SMG5: variants seen among roughly 807,000 people sequenced by gnomAD.
SMG5 encodes SMG5 nonsense mediated mRNA decay factor.
Under a neutral mutation model 122.9 loss-of-function variants are expected in SMG5, and 53 were observed. That is an observed-to-expected ratio of 0.43 (90% CI 0.35 to 0.54). SMG5 has a LOEUF of 0.54. Ranked by LOEUF, SMG5 falls within the 20% of genes least tolerant of loss-of-function variation. SMG5 has a pLI of 0.01. For missense variants in SMG5, 1,153 were observed against 1,285.6 expected (o/e 0.90, Z 1.58); for synonymous variants, 477 against 490.2 (o/e 0.97, Z 0.35).
chr1:156,260,899 G>A (rs1661794924), intron 14 of SMG5, among the ~76,000 whole-genome samples: 1 of 152,220 alleles, frequency 6.6e-6, no homozygotes, highest in Non-Finnish European at 1.5e-5. Context: ...GGAAATGAGA[G>A]GAGGCGCTCA....
chr1:156,266,181 G>A lies in SMG5; in HGVS notation c.1455C>T (p.Asp485=). 1 of 1,614,264 alleles carries A rather than the reference G, an allele frequency of 6.2e-7. No homozygotes were observed. Among genetic ancestry groups the A allele is most frequent in the Non-Finnish European group, 8.5e-7 (1 of 1,180,054 alleles). The change falls in exon 12 of 22, where the codon GAC becomes GAT. Residue 485 remains aspartate, a synonymous_variant. Coordinates refer to ENST00000361813, the MANE Select transcript of SMG5 (RefSeq NM_015327.3). ...CTGAGCCCTCACTGGCCCGGGCTGAGTCATGGCTTGAGTCCGATTCAAAGC... is the reference window on the plus strand; with the variant it reads ...CTGAGCCCTCACTGGCCCGGGCTGAATCATGGCTTGAGTCCGATTCAAAGC... ...SEGFESDSSH[D]SARASEGSDS... is the part of the protein sequence containing the mutation.
In SMG5 at chr1:156,282,732, C is replaced by T; in HGVS notation, c.-52G>A. The T allele has an allele frequency of 1.3e-6, 2 of 1,537,976 alleles. No homozygotes were observed. Among genetic ancestry groups the T allele is most frequent in the Non-Finnish European group, 1.7e-6 (2 of 1,143,070 alleles). On this transcript the variant is annotated 5_prime_UTR_variant, in exon 1 of 22. In the 5' UTR this introduces an upstream ATG that the reference lacks. Coordinates refer to ENST00000361813, the MANE Select transcript of SMG5 (RefSeq NM_015327.3). The stretch of plus-strand genomic sequence containing the variant: ...GGTCACAGGCCCCTGCCACCCACCA[C>T]TACCGCCAACACTGCCGTCTCCGGC...
chr1:156,272,359 T>C lies in SMG5; in HGVS notation c.674A>G (p.Lys225Arg), dbSNP rs1180130250. The C allele has an allele frequency of 3.1e-6, 5 of 1,602,444 alleles. No individual in the cohort carries two copies. The African/African-American group carries it at 5.4e-5, about 17-fold the overall frequency. The change falls in exon 7 of 22, where the codon AAG becomes AGG. Residue 225 changes from lysine to arginine, a missense_variant. Physicochemically the swap from Lys to Arg is conservative, Grantham distance 26. Transcript: ENST00000361813. ...ATACATGGCTTCCACATTATAGTAC[T>C]TGCTGCCTGCCAGGGTGCCCAGCTG... ...FNQLGTLAGS[K>R]YYNVEAMYCY... is the part of the protein sequence containing the mutation.
Position 156,274,591 on chromosome 1 carries a change from T to A in SMG5, c.544+6A>T. On this transcript the variant is annotated splice_donor_region_variant and intron_variant, in intron 5 of 21. Transcript: ENST00000361813. ...AACAGAGAAAATGAAAGGTGCAAAT[T>A]CTTACACAAATCCCCCAGATACACC... 2.5e-6 allele frequency: 4 copies of A among 1,613,166 alleles called. No homozygotes were observed. Among genetic ancestry groups the A allele is most frequent in the Non-Finnish European group, 3.4e-6 (4 of 1,179,350 alleles).
intron 16 of SMG5, among the ~76,000 whole-genome samples, chr1:156,255,716 T>C (rs1008523983): frequency 1.3e-5 from 2 of 151,878 alleles, no homozygotes; most frequent in Admixed American, 1.3e-4. Flanking sequence ...CAAGATCACA[T>C]TTCTACAAAA....
At chr1:156,285,612 T>G, upstream of SMG5, 1 of 1,614,222 alleles carries the variant, frequency 6.2e-7, no homozygotes. Context: ...GCCCGTGCCT[T>G]CGTGCCTATT....
At chr1:156,263,710 A>T in intron 12 of SMG5, 140 bp from the exon 13 acceptor site, 1 of 845,944 alleles carries the variant, frequency 1.2e-6, no homozygotes, top group Non-Finnish European at 1.7e-6. Flanking sequence ...AATCTGGGGA[A>T]CCACTTACAG....
At chr1:156,253,924 G>A (rs1463900261) in intron 16 of SMG5, among the ~76,000 whole-genome samples, 1 of 151,932 alleles carries the variant, frequency 6.6e-6, no homozygotes, top group African/African-American at 2.4e-5. Context: ...TTCAGCCCAG[G>A]CCTGACCATC....
intron 16 of SMG5, 26 bp from the exon 17 acceptor site, chr1:156,253,534 G>A (rs757692066): frequency 6.2e-7 from 1 of 1,612,254 alleles, no homozygotes; most frequent in Non-Finnish European, 8.5e-7. Context: ...TGAGCTGTAA[G>A]GAGTTGGGGT....
chr1:156,278,907 GGATCTGTGGTT>G lies in SMG5; in HGVS notation c.173+18_173+28del, dbSNP rs774366235. 6.4e-7 allele frequency: 1 copy of G among 1,570,080 alleles called. No homozygotes were observed. The highest frequency in any genetic ancestry group is 8.8e-7 in the Non-Finnish European group (1 of 1,139,938). On this transcript the variant is annotated intron_variant, in intron 2 of 21. Coordinates refer to ENST00000361813, the MANE Select transcript of SMG5 (RefSeq NM_015327.3). ...GTAGAGATAGGCAGGGAAACAGTAA[GGATCTGTGGTT>G]TAGAGTCTCTAGCTTACTTGTTCCT...
rs148748557 is a variant in SMG5 at position 156,280,457 on chromosome 1, G to A, written c.75-1423C>T. 1.2e-3 allele frequency among the ~76,000 whole-genome samples: 185 copies of A among 152,324 alleles called. 1 individual carries two copies. Among genetic ancestry groups the A allele is most frequent in the African/African-American group, 4.2e-3 (176 of 41,562 alleles). ...CAGCAGAGTAGGTGGGATGGTAATC[G>A]ATACCTTCTCACAAGCAATCATGTT... On this transcript the variant is annotated intron_variant, in intron 1 of 21. Coordinates refer to ENST00000361813, the MANE Select transcript of SMG5 (RefSeq NM_015327.3).
intron 20 of SMG5, 192 bp downstream of exon 20, chr1:156,251,211 C>T (rs1011303419): frequency 2.2e-6 from 2 of 897,048 alleles, no homozygotes; most frequent in African/African-American, 3.3e-5. Context: ...AAGAGGCTGA[C>T]CCATCTGCAG....
chr1:156,259,087 TTGA>T lies in SMG5; in HGVS notation c.2357_2359del (p.Phe786_Asn787delinsTyr). 6.2e-7 allele frequency: 1 copy of T among 1,612,416 alleles called. No homozygotes were observed. The highest frequency in any genetic ancestry group is 8.5e-7 in the Non-Finnish European group (1 of 1,179,364). ...GCTGACGAAGATGCCAACCTCTGGG[TTGA>T]ACTGCAGGATGCTGCCTTGCAGGCG... On this transcript the variant is annotated inframe_deletion, in exon 16 of 22. Coordinates refer to ENST00000361813, the MANE Select transcript of SMG5 (RefSeq NM_015327.3).
At position 156,267,537 on chromosome 1, in the gene SMG5, G is replaced by T; in HGVS notation, c.1050C>A (p.Leu350=). The change falls in exon 10 of 22, where the codon CTC becomes CTA. Residue 350 remains leucine (L), a synonymous_variant. Coordinates refer to ENST00000361813, the MANE Select transcript of SMG5 (RefSeq NM_015327.3). ...EEEYESGYAF[L]PDLLIFQMVI... ...CCATTTGAAAGATGAGAAGGTCCGG[G>T]AGGAAAGCATATCCACTCTCATACT... The T allele has an allele frequency of 1.2e-6, 2 of 1,614,144 alleles. No individual in the cohort carries two copies. Among genetic ancestry groups the T allele is most frequent in the Non-Finnish European group, 1.7e-6 (2 of 1,180,022 alleles).
intron 13 of SMG5, among the ~76,000 whole-genome samples, chr1:156,262,236 C>T (rs1661878981): frequency 6.6e-6 from 1 of 152,116 alleles, no homozygotes; most frequent in African/African-American, 2.4e-5. Context: ...GTGGCTCACG[C>T]CTGTAATCCC....
At chr1:156,289,775 G>A in the SMG5 span, among the ~76,000 whole-genome samples, 1 of 152,204 alleles carries the variant, frequency 6.6e-6, no homozygotes, top group Non-Finnish European at 1.5e-5. Context: ...CATATATTAA[G>A]AAGTGATCCT....
intron 16 of SMG5, among the ~76,000 whole-genome samples, chr1:156,254,191 A>G (rs967861060): frequency 1.3e-5 from 2 of 152,064 alleles, no homozygotes; most frequent in African/African-American, 4.8e-5. Flanking sequence ...CTAAGCCAAC[A>G]CCTCTCCTTG....
At chr1:156,272,242 G>C in intron 7 of SMG5, 78 bp downstream of exon 7, 1 of 1,295,256 alleles carries the variant, frequency 7.7e-7, no homozygotes, top group Non-Finnish European at 1.1e-6. Context: ...AGAGGAAGGA[G>C]GAAGGGAAGA....
At chr1:156,287,398 AGAGT>A (rs1663197911), upstream of SMG5, among the ~76,000 whole-genome samples, 2 of 152,150 alleles carry the variant, frequency 1.3e-5, no homozygotes, top group South Asian at 4.1e-4. Flanking sequence ...CCTGGGTGAC[AGAGT>A]GAGACTCCGT....
Sources: gnomAD v4.1 joint callset for allele counts (sites outside exome capture counted in the v4.1 genomes callset) on GRCh38, gnomAD v4.1.1 for gene constraint, MANE v1.5 for transcripts, NCBI Gene and HGNC (gene_info 2026-07-23, HGNC 2026-07-21) for gene names.